PKHD1: variants seen among roughly 807,000 people sequenced by gnomAD.
PKHD1 encodes fibrocystin.
A neutral mutation model predicts 412.0 loss-of-function variants in PKHD1; 291 were observed. That is an observed-to-expected ratio of 0.71 (90% CI 0.64 to 0.78). The LOEUF (loss-of-function observed/expected upper bound fraction) is 0.78, where lower values mean the gene tolerates loss of function less well. Among genes scored for constraint, PKHD1 ranks in the 30% least tolerant of loss-of-function variants. The pLI, the probability that PKHD1 is intolerant of heterozygous loss-of-function variation, is 0.00. For missense variants in PKHD1, 4,825 were observed against 4,950.7 expected, an observed-to-expected ratio of 0.97 and a Z score of 0.76; for synonymous variants, 1,777 against 1,821.5, an observed-to-expected ratio of 0.98 and a Z score of 0.62.
chr6:51,623,978 A>C (rs1308967760), intron 66 of PKHD1, among the ~76,000 whole-genome samples: 2 of 152,224 alleles, frequency 1.3e-5, no homozygotes, highest in Non-Finnish European at 2.9e-5. Flanking sequence ...CCTCATTTGA[A>C]TATGAATTCC....
intron 60 of PKHD1, among the ~76,000 whole-genome samples, chr6:51,732,415 T>C (rs1390647686): frequency 6.6e-6 from 1 of 152,070 alleles, no homozygotes; most frequent in Non-Finnish European, 1.5e-5. Context: ...ATCCACAACA[T>C]AAACCACAAC....
In PKHD1 at chr6:51,823,614, C is replaced by T. The variant is rs150019602; in HGVS notation, c.8302+7247G>A. 1.8e-4 allele frequency among the ~76,000 whole-genome samples: 28 copies of T among 152,052 alleles called. No individual in the cohort carries two copies. In the East Asian group the frequency reaches 5.4e-3, roughly 29 times the overall value. ...CATGACTGATTCAAGCAGACATGGA[C>T]AAATTAAGATTGGAAAAAGAATCTC... is the stretch of plus-strand genomic sequence containing the variant. On this transcript the variant is annotated intron_variant, in intron 52 of 66. Transcript: ENST00000371117.
At chr6:52,023,447 T>C (rs1364149563) in intron 32 of PKHD1, among the ~76,000 whole-genome samples, 2 of 152,216 alleles carry the variant, frequency 1.3e-5, no homozygotes, top group Non-Finnish European at 2.9e-5. Flanking sequence ...TGGATCCAGT[T>C]CATTTTAGTA....
intron 66 of PKHD1, chr6:51,622,865 T>C (rs1250034199): frequency 3.3e-5 from 5 of 152,148 alleles, no homozygotes; most frequent in Admixed American, 2.6e-4. Context: ...TGCTAAACCT[T>C]TTATAAACTG....
intron 41 of PKHD1, among the ~76,000 whole-genome samples, chr6:51,904,741 T>C (rs1271828863): frequency 6.6e-6 from 1 of 152,210 alleles, no homozygotes; most frequent in East Asian, 1.9e-4. Flanking sequence ...AAGGCTAAAT[T>C]CTGCCTACAG....
chr6:51,850,665 G>A (rs1772048113), intron 49 of PKHD1, among the ~76,000 whole-genome samples: 1 of 152,142 alleles, frequency 6.6e-6, no homozygotes, highest in African/African-American at 2.4e-5. Context: ...ATTGTGAATA[G>A]GAGTTCATTC....
At chr6:51,906,486 T>C in intron 40 of PKHD1, 146 bp from the exon 41 acceptor site, 1 of 679,846 alleles carries the variant, frequency 1.5e-6, no homozygotes, top group Non-Finnish European at 2.6e-6. Context: ...AGCAATCGAA[T>C]CAAGAGAATG....
At chr6:51,961,452 C>T (rs1391557242) in intron 35 of PKHD1, among the ~76,000 whole-genome samples, 1 of 151,970 alleles carries the variant, frequency 6.6e-6, no homozygotes, top group African/African-American at 2.4e-5. Context: ...TCCAGTATCA[C>T]AGAAAAAAGA....
chr6:51,819,680 C>T (rs896292108), intron 52 of PKHD1, among the ~76,000 whole-genome samples: 6 of 152,188 alleles, frequency 3.9e-5, no homozygotes, highest in African/African-American at 1.2e-4. Context: ...GGCAAAGTGG[C>T]ACATAATAAG....
In PKHD1 at chr6:52,082,463, G is replaced by A. The variant is rs372103359; in HGVS notation, c.210C>T (p.Pro70=). 64 of 1,613,874 alleles carry A rather than the reference G, an allele frequency of 4.0e-5. No homozygotes were observed. The highest frequency in any genetic ancestry group is 8.3e-5 in the Admixed American group (5 of 59,996). ...IHLVNVNMVV[P]ALRSVPCDVF... is the part of the protein sequence containing the mutation. Reference sequence around the variant, plus strand: ...CGTCACAGGGAACACTCCGCAGTGCGGGCACCACCATGTTCACGTTCACCA... The same window carrying A: ...CGTCACAGGGAACACTCCGCAGTGCAGGCACCACCATGTTCACGTTCACCA... The change falls in exon 4 of 67, where the codon CCC becomes CCT. Residue 70 remains proline (P), a synonymous_variant. Transcript: ENST00000371117.
chr6:51,823,550 T>G (rs575958651), intron 52 of PKHD1, among the ~76,000 whole-genome samples: 3 of 151,916 alleles, frequency 2.0e-5, no homozygotes, highest in Non-Finnish European at 4.4e-5. Flanking sequence ...ATCCCAAGAG[T>G]AGACCCTAAG....
intron 59 of PKHD1, among the ~76,000 whole-genome samples, chr6:51,745,875 C>T (rs1005127635): frequency 1.3e-5 from 2 of 152,040 alleles, no homozygotes; most frequent in Non-Finnish European, 2.9e-5. Flanking sequence ...CAAAACAACA[C>T]AAATTGCCTA....
chr6:51,738,805 G>GCTGCTCCCT (rs1784183522), intron 60 of PKHD1, among the ~76,000 whole-genome samples: 1 of 151,956 alleles, frequency 6.6e-6, no homozygotes, highest in African/African-American at 2.4e-5. Flanking sequence ...CCCTGCCCTG[G>GCTGCTCCCT]CTGCTCCCTC....
chr6:51,784,690 T>G (rs542777871), intron 53 of PKHD1, among the ~76,000 whole-genome samples: 1 of 152,314 alleles, frequency 6.6e-6, no homozygotes, highest in South Asian at 2.1e-4. Flanking sequence ...ATGAAACTCA[T>G]GACGTTCACT....
intron 36 of PKHD1, among the ~76,000 whole-genome samples, chr6:51,935,479 G>C (rs1281990504): frequency 6.6e-6 from 1 of 152,108 alleles, no homozygotes; most frequent in Non-Finnish European, 1.5e-5. Flanking sequence ...TCCTGCAAGT[G>C]GTTTACAAAA....
At chr6:51,950,623 T>C (rs935829413) in intron 36 of PKHD1, among the ~76,000 whole-genome samples, 4 of 152,150 alleles carry the variant, frequency 2.6e-5, no homozygotes, top group Non-Finnish European at 4.4e-5. Context: ...TTTGTATAAG[T>C]TACCAGGTGA....
At chr6:51,678,929 G>A (rs375910382) in intron 60 of PKHD1, among the ~76,000 whole-genome samples, 3 of 151,950 alleles carry the variant, frequency 2.0e-5, no homozygotes, top group African/African-American at 7.2e-5. Context: ...CTTTGCAGAT[G>A]CAATTCCTGG....
intron 58 of PKHD1, 151 bp from the exon 59 acceptor site, chr6:51,747,040 A>T (rs951911007): frequency 4.4e-5 from 26 of 595,006 alleles, no homozygotes; most frequent in Non-Finnish European, 7.6e-5. Flanking sequence ...ATACATCTTG[A>T]TATAAAATAT....
At chr6:51,784,601 A>G (rs1792567073) in intron 53 of PKHD1, among the ~76,000 whole-genome samples, 1 of 152,200 alleles carries the variant, frequency 6.6e-6, no homozygotes, top group Non-Finnish European at 1.5e-5. Context: ...CATACTCAAG[A>G]GACTATCAAT....
Sources: allele counts gnomAD v4.1 joint callset (sites outside exome capture counted in the v4.1 genomes callset), GRCh38; gene constraint gnomAD v4.1.1; transcripts MANE v1.5; gene names NCBI Gene and HGNC (gene_info 2026-07-23, HGNC 2026-07-21).